The following RUFY2 variants were observed in gnomAD, a reference collection of about 807,000 sequenced individuals.
The protein encoded by RUFY2 is RUN and FYVE domain containing 2.
Under a neutral mutation model 94.4 loss-of-function variants are expected in RUFY2, and 49 were observed. That is an observed-to-expected ratio of 0.52 (90% CI 0.41 to 0.66). RUFY2 has a LOEUF of 0.66. Ranked by LOEUF, RUFY2 falls within the 30% of genes least tolerant of loss-of-function variation. RUFY2 has a pLI of 0.00. For missense variants in RUFY2, 541 were observed against 692.8 expected (o/e 0.78, Z 2.46); for synonymous variants, 255 against 235.7 (o/e 1.08, Z -0.75).
At chr10:68,366,179 T>G (rs1393086650) in intron 13 of RUFY2, among the ~76,000 whole-genome samples, 2 of 150,392 alleles carry the variant, frequency 1.3e-5, no homozygotes, top group African/African-American at 2.4e-5. Context: ...ATACAAAAAT[T>G]AGCCGGGTGT....
chr10:68,385,319 T>C (rs1161111197), intron 8 of RUFY2, among the ~76,000 whole-genome samples: 2 of 151,814 alleles, frequency 1.3e-5, no homozygotes, highest in African/African-American at 4.8e-5. Flanking sequence ...AAAATAGGGT[T>C]CACAATACAA....
At chr10:68,401,585 G>T in intron 3 of RUFY2, 35 bp downstream of exon 3, 1 of 1,297,274 alleles carries the variant, frequency 7.7e-7, no homozygotes, top group Non-Finnish European at 1.1e-6. Context: ...ATACACTTCT[G>T]TGGCTAGGGA....
intron 13 of RUFY2, among the ~76,000 whole-genome samples, chr10:68,376,400 G>A (rs2048639846): frequency 7.5e-6 from 1 of 134,114 alleles, no homozygotes. Flanking sequence ...TTGCATTCCA[G>A]CCTGGGCAAC....
At chr10:68,363,809 A>C in intron 14 of RUFY2, 125 bp from the exon 15 acceptor site, 1 of 846,466 alleles carries the variant, frequency 1.2e-6, no homozygotes, top group South Asian at 1.9e-5. Context: ...AATTGTGTCC[A>C]AAGCTCTTTC....
At chr10:68,356,386 T>G (rs59445356) in intron 15 of RUFY2, among the ~76,000 whole-genome samples, 22,575 of 151,286 alleles carry the variant, frequency 0.15, 1,962 homozygotes, top group South Asian at 0.25. Flanking sequence ...CACGCCTGTA[T>G]TCCCAGCTAC....
intron 15 of RUFY2, 90 bp from the exon 16 acceptor site, chr10:68,355,491 A>T: frequency 1.3e-6 from 1 of 742,154 alleles, no homozygotes; most frequent in South Asian, 1.7e-5. Flanking sequence ...ATTTCATAGG[A>T]TATAAAATTA....
At chr10:68,353,508 T>TA (rs1272019460) in intron 16 of RUFY2, among the ~76,000 whole-genome samples, 1 of 148,876 alleles carries the variant, frequency 6.7e-6, no homozygotes, top group East Asian at 2.0e-4. Flanking sequence ...AAAAAAAAAA[T>TA]ACAGAGTAAG....
intron 12 of RUFY2, 140 bp from the exon 13 acceptor site, chr10:68,377,112 T>G (rs1029304471): frequency 1.3e-6 from 2 of 1,515,390 alleles, no homozygotes; most frequent in Non-Finnish European, 1.8e-6. Flanking sequence ...ACTCACAAAC[T>G]CAAACGTGAA....
intron 10 of RUFY2, among the ~76,000 whole-genome samples, chr10:68,382,315 C>T: frequency 6.6e-6 from 1 of 151,870 alleles, no homozygotes; most frequent in Non-Finnish European, 1.5e-5. Flanking sequence ...CTCCGCCTCC[C>T]AAAGTGCTGG....
In RUFY2 at chr10:68,364,121, G is replaced by C. The variant is rs2047642445; in HGVS notation, c.1326-8C>G. The C allele has an allele frequency of 6.2e-7, 1 of 1,609,200 alleles. No homozygotes were observed. Among genetic ancestry groups the C allele is most frequent in the Admixed American group, 1.7e-5 (1 of 59,568 alleles). ...TCAGTTTCCAGTTGCACCCTTGAAT[G>C]ACAAATAACACACAGAAGCTCAGTG... is the stretch of plus-strand genomic sequence containing the variant. On this transcript the variant is annotated splice_polypyrimidine_tract_variant and splice_region_variant and intron_variant, in intron 13 of 17. Transcript: ENST00000602465.
chr10:68,373,200 T>C (rs535327260), intron 13 of RUFY2, among the ~76,000 whole-genome samples: 2 of 152,152 alleles, frequency 1.3e-5, no homozygotes, highest in South Asian at 2.1e-4. Context: ...TGTGGAAAAA[T>C]AGCATATGTG....
intron 13 of RUFY2, among the ~76,000 whole-genome samples, chr10:68,370,219 A>G (rs1216244935): frequency 4.6e-5 from 7 of 152,290 alleles, no homozygotes; most frequent in Admixed American, 4.6e-4. Flanking sequence ...GGGGAGGCAG[A>G]GGTTGCAGTG....
rs534459001 is a variant in RUFY2, at chr10:68,375,261, T to C, written c.1325+1592A>G. ...AAAAAAATGTTAGGGAGCTAAATGA[T>C]AAGAACTTACGAACACAGAGAAGGA... On this transcript the variant is annotated intron_variant, in intron 13 of 17. Coordinates refer to ENST00000602465, the MANE Select transcript of RUFY2 (RefSeq NM_001330103.2). Among the ~76,000 whole-genome samples, 49 of 128,242 alleles carry C rather than the reference T, an allele frequency of 3.8e-4. No individual in the cohort carries two copies. In the South Asian group the frequency reaches 0.011, roughly 30 times the overall value. 84.1% of individuals were successfully genotyped at this position (128,242 alleles called of 152,430 possible).
At chr10:68,407,049 C>G in intron 1 of RUFY2, 137 bp downstream of exon 1, 1 of 1,473,388 alleles carries the variant, frequency 6.8e-7, no homozygotes, top group South Asian at 1.4e-5. Flanking sequence ...CAGGCAGTCC[C>G]CGCCCATCCT....
At chr10:68,346,143 CTT>C in intron 16 of RUFY2, 59 bp from the exon 17 acceptor site, 2 of 1,300,560 alleles carry the variant, frequency 1.5e-6, no homozygotes, top group Non-Finnish European at 1.1e-6. Flanking sequence ...AATGTGAAAA[CTT>C]TTTCCCCCAA....
At chr10:68,372,317 T>C (rs1042973829) in intron 13 of RUFY2, among the ~76,000 whole-genome samples, 1 of 152,092 alleles carries the variant, frequency 6.6e-6, no homozygotes, top group Non-Finnish European at 1.5e-5. Flanking sequence ...AGAGGATCCC[T>C]TGAGCCCATG....
At position 68,347,335 on chromosome 10, in the gene RUFY2, A is replaced by G. The variant is rs552930566; in HGVS notation, c.1600-1251T>C. Among the ~76,000 whole-genome samples the G allele has an allele frequency of 1.2e-4, 14 of 117,312 alleles. No homozygotes were observed. In the South Asian group the frequency reaches 3.7e-3, roughly 31 times the overall value. 77.0% of individuals were successfully genotyped at this position (117,312 alleles called of 152,430 possible). A position where few individuals can be genotyped will look rare whatever the true frequency, so the allele number is the denominator to read the frequency against. On this transcript the variant is annotated intron_variant, in intron 16 of 17. Coordinates refer to ENST00000602465, the MANE Select transcript of RUFY2 (RefSeq NM_001330103.2). ...AGTCTCACTCTGTCGCCCAGGCTGT[A>G]GTGCAGTGGTGCAGTCTCAGCTCAC... is the stretch of plus-strand genomic sequence containing the variant.
intron 7 of RUFY2, among the ~76,000 whole-genome samples, chr10:68,389,976 G>A (rs780802529): frequency 6.6e-6 from 1 of 152,138 alleles, no homozygotes; most frequent in South Asian, 2.1e-4. Flanking sequence ...AAACTAGATG[G>A]ATGAAGATCA....
intron 16 of RUFY2, among the ~76,000 whole-genome samples, chr10:68,349,695 C>T (rs2046529848): frequency 6.6e-6 from 1 of 151,812 alleles, no homozygotes; most frequent in Non-Finnish European, 1.5e-5. Context: ...CCCACCACTG[C>T]ACCCAGCTAA....
Sources: gnomAD v4.1 joint callset for allele counts (sites outside exome capture counted in the v4.1 genomes callset) on GRCh38, gnomAD v4.1.1 for gene constraint, MANE v1.5 for transcripts, NCBI Gene and HGNC (gene_info 2026-07-23, HGNC 2026-07-21) for gene names.